The following TEDDM1 variants were observed in gnomAD, a reference collection of about 807,000 sequenced individuals.
The protein encoded by TEDDM1 is epididymal protein 9.
For synonymous variants in TEDDM1, 126 were observed against 128.0 expected (o/e 0.98, Z 0.11); for missense variants, 344 against 318.9 (o/e 1.08, Z -0.60).
At position 182,400,633 on chromosome 1, in the gene TEDDM1, C is replaced by T; in HGVS notation, c.-148G>A. 1.6e-6 allele frequency: 1 copy of T among 637,256 alleles called. No homozygotes were observed. The highest frequency in any genetic ancestry group is 2.1e-5 in the South Asian group (1 of 48,666). The allele number at this position is 637,256 out of a possible 1,614,324, so 39.5% of individuals were successfully genotyped here. On this transcript the variant is annotated 5_prime_UTR_variant, in exon 1 of 1. Coordinates refer to ENST00000367565, the MANE Select transcript of TEDDM1 (RefSeq NM_172000.4). ...ACTCAGGACCTCTCTGCTCTCCTCT[C>T]CCTCACAGGCCTCTCGAGTTCTGGG...
At position 182,398,418 on chromosome 1, in the gene TEDDM1, TTCTGAAAGAAAA is replaced by T. The variant is rs1650617358; in HGVS notation, c.*1234_*1245del. ...GTACTTTAGTGGGTGAGGAAGAACC[TTCTGAAAGAAAA>T]TGATTTCAGCAGCAGTATAAAAGAA... On this transcript the variant is annotated 3_prime_UTR_variant, in exon 1 of 1. Coordinates refer to ENST00000367565, the MANE Select transcript of TEDDM1 (RefSeq NM_172000.4). 1 of 152,248 alleles carries T rather than the reference TTCTGAAAGAAAA, an allele frequency of 6.6e-6. No homozygotes were observed. The highest frequency in any genetic ancestry group is 1.5e-5 in the Non-Finnish European group (1 of 68,062). The allele number at this position is 152,248 out of a possible 1,614,324, so 9.4% of individuals were successfully genotyped here.
Position 182,400,585 on chromosome 1 carries a change from C to T in TEDDM1, c.-100G>A. ...ACTTTCCCATGGAATACAGGCCTGTCCGACTGAAGCGTGAAGAGCAATACT... is the reference window on the plus strand; with the variant it reads ...ACTTTCCCATGGAATACAGGCCTGTTCGACTGAAGCGTGAAGAGCAATACT... On this transcript the variant is annotated 5_prime_UTR_variant, in exon 1 of 1. Transcript: ENST00000367565. The T allele has an allele frequency of 1.0e-6, 1 of 978,092 alleles. No homozygotes were observed. The highest frequency in any genetic ancestry group is 1.5e-6 in the Non-Finnish European group (1 of 669,170). The allele number at this position is 978,092 out of a possible 1,614,324, so 60.6% of individuals were successfully genotyped here.
Position 182,399,669 on chromosome 1 carries a change from G to T in TEDDM1, c.817C>A (p.Pro273Thr). Residue 273 changes from proline (P) to threonine (T), a missense_variant, in exon 1 of 1, where the codon CCC (proline) becomes ACC (threonine). Coordinates refer to ENST00000367565, the MANE Select transcript of TEDDM1 (RefSeq NM_172000.4). ...CAGCCACTGTAGGCCCTGTCTCAGG[G>T]GGAGCTCTTTGGAAGGAGGAGAGCC... The part of the protein sequence containing the change: ...DQALLLPKSS[P>T] 1.2e-6 allele frequency: 2 copies of T among 1,613,280 alleles called. No homozygotes were observed. Among genetic ancestry groups the T allele is most frequent in the Non-Finnish European group, 1.7e-6 (2 of 1,179,428 alleles).
chr1:182,399,948 T>C lies in TEDDM1; in HGVS notation c.538A>G (p.Arg180Gly). The change falls in exon 1 of 1, where the codon AGA (arginine) becomes GGA (glycine). Residue 180 changes from arginine to glycine, a missense_variant. Coordinates refer to ENST00000367565, the MANE Select transcript of TEDDM1 (RefSeq NM_172000.4). Reference protein sequence around the residue: ...WLMQAGFILYRPVSGYPWQDD... With the variant: ...WLMQAGFILYGPVSGYPWQDD... ...TGCCATGGGTAGCCAGAGACGGGTC[T>C]GTATAGAATAAAGCCTGCCTGCATC... 6.2e-7 allele frequency: 1 copy of C among 1,614,044 alleles called. No individual in the cohort carries two copies. Among genetic ancestry groups the C allele is most frequent in the Non-Finnish European group, 8.5e-7 (1 of 1,180,000 alleles).
In TEDDM1 at chr1:182,398,185, A is replaced by G. The variant is rs1650613398; in HGVS notation, c.*1479T>C. The G allele has an allele frequency of 6.6e-6, 1 of 152,218 alleles. No individual in the cohort carries two copies. Among genetic ancestry groups the G allele is most frequent in the South Asian group, 2.1e-4 (1 of 4,830 alleles). 9.4% of individuals were successfully genotyped at this position (152,218 alleles called of 1,614,324 possible). ...AAGAGAGTGGGTGCATTACTAAGGC[A>G]GTGACTCAGTGTTCAGGACTGTTGT... On this transcript the variant is annotated 3_prime_UTR_variant, in exon 1 of 1. Transcript: ENST00000367565.
rs112140293 is a variant in TEDDM1 at position 182,400,413 on chromosome 1, T to C, written c.73A>G (p.Lys25Glu). The C allele has an allele frequency of 3.7e-6, 6 of 1,614,034 alleles. No individual in the cohort carries two copies. In the African/African-American group the frequency reaches 6.7e-5, roughly 18 times the overall value. The change falls in exon 1 of 1, where the codon AAA becomes GAA. Residue 25 changes from lysine (K) to glutamate (E), a missense_variant. Physicochemically the swap from Lys to Glu is moderately conservative, Grantham distance 56 (BLOSUM62 1). Transcript: ENST00000367565. ...TTTAGTAATCCTCCATAGGCTATTT[T>C]CCACAGCCTGGCACATCTTTGCTTA... ...RNKQRCARLW[K>E]IAYGGLLKIV...
At position 182,399,820 on chromosome 1, in the gene TEDDM1, A is replaced by G; in HGVS notation, c.666T>C (p.Phe222=). The G allele has an allele frequency of 6.2e-7, 1 of 1,614,202 alleles. No individual in the cohort carries two copies. Among genetic ancestry groups the G allele is most frequent in the Non-Finnish European group, 8.5e-7 (1 of 1,180,040 alleles). Residue 222 remains phenylalanine, a synonymous_variant, in exon 1 of 1, where the codon TTT becomes TTC. Transcript: ENST00000367565. ...FLLGIYGFSS[F]WYHCFRPSLK... The stretch of plus-strand genomic sequence containing the variant: ...AGCTGGGTCTGAAACAATGATACCA[A>G]AAGGAAGAGAAGCCATAGATTCCCA...
In TEDDM1 at chr1:182,400,557, T is replaced by C. The variant is rs1374213880; in HGVS notation, c.-72A>G. 9 of 1,309,180 alleles carry C rather than the reference T, an allele frequency of 6.9e-6. No individual in the cohort carries two copies. The highest frequency in any genetic ancestry group is 5.9e-5 in the African/African-American group (4 of 67,740). 81.1% of individuals were successfully genotyped at this position (1,309,180 alleles called of 1,614,324 possible). On this transcript the variant is annotated 5_prime_UTR_variant, in exon 1 of 1. Coordinates refer to ENST00000367565, the MANE Select transcript of TEDDM1 (RefSeq NM_172000.4). ...AATAGCCCCAGTTAAAAATGGCCAATGGACTTTCCCATGGAATACAGGCCT... is the reference window on the plus strand; with the variant it reads ...AATAGCCCCAGTTAAAAATGGCCAACGGACTTTCCCATGGAATACAGGCCT...
chr1:182,400,469 C>CAAAGG lies in TEDDM1; in HGVS notation c.16_17insCCTTT (p.Cys6SerfsTer23). On this transcript the variant is annotated frameshift_variant, in exon 1 of 1. Transcript: ENST00000367565. LOFTEE classifies it low-confidence loss of function (END_TRUNC). ...GGGAGAGCACAAAGGATACAGGAGA[C>CAAAGG]AACCTTTGAGTATCATGCCCTTGGA... 1 of 1,608,184 alleles carries CAAAGG rather than the reference C, an allele frequency of 6.2e-7. No homozygotes were observed. The highest frequency in any genetic ancestry group is 8.5e-7 in the Non-Finnish European group (1 of 1,178,452).
At position 182,398,768 on chromosome 1, in the gene TEDDM1, G is replaced by T. The variant is rs1195100663; in HGVS notation, c.*896C>A. The T allele has an allele frequency of 6.6e-6, 1 of 152,120 alleles. No individual in the cohort carries two copies. The highest frequency in any genetic ancestry group is 1.5e-5 in the Non-Finnish European group (1 of 68,026). 9.4% of individuals were successfully genotyped at this position (152,120 alleles called of 1,614,324 possible). On this transcript the variant is annotated 3_prime_UTR_variant, in exon 1 of 1. Transcript: ENST00000367565. ...TAGAATAAGAGTAATAAAATGAGAA[G>T]TCAGGGAAGTACCAAGCATTTGAAT...
Position 182,399,736 on chromosome 1 carries a change from G to A in TEDDM1, c.750C>T (p.Tyr250=). 6.2e-7 allele frequency: 1 copy of A among 1,614,096 alleles called. No homozygotes were observed. Among genetic ancestry groups the A allele is most frequent in the Non-Finnish European group, 8.5e-7 (1 of 1,179,990 alleles). The change falls in exon 1 of 1, where the codon TAC becomes TAT. Residue 250 remains tyrosine, a synonymous_variant. Transcript: ENST00000367565. ...ACTGCTCCACTTCCTGTAGCAACTTGTAGAGGGGTCCTGGAGTGCTTGCAT... is the reference window on the plus strand; with the variant it reads ...ACTGCTCCACTTCCTGTAGCAACTTATAGAGGGGTCCTGGAGTGCTTGCAT... ...PYYASTPGPL[Y]KLLQEVEQSE... is the part of the protein sequence containing the mutation.
chr1:182,400,639 C>G lies in TEDDM1; in HGVS notation c.-154G>C. On this transcript the variant is annotated 5_prime_UTR_variant, in exon 1 of 1. Transcript: ENST00000367565. Reference sequence around the variant, plus strand: ...GACCTCTCTGCTCTCCTCTCCCTCACAGGCCTCTCGAGTTCTGGGCCTATA... The same window carrying G: ...GACCTCTCTGCTCTCCTCTCCCTCAGAGGCCTCTCGAGTTCTGGGCCTATA... 1.6e-6 allele frequency: 1 copy of G among 633,380 alleles called. No individual in the cohort carries two copies. 39.2% of individuals were successfully genotyped at this position (633,380 alleles called of 1,614,324 possible).
chr1:182,399,381 A>G lies in TEDDM1; in HGVS notation c.*283T>C, dbSNP rs1266687518. On this transcript the variant is annotated 3_prime_UTR_variant, in exon 1 of 1. Coordinates refer to ENST00000367565, the MANE Select transcript of TEDDM1 (RefSeq NM_172000.4). The stretch of plus-strand genomic sequence containing the variant: ...CATGGTGGCAGGCTCCTGTAATTGC[A>G]GCTACTCGGGAGGCTGAGGCAGGAG... The G allele has an allele frequency of 7.5e-6, 3 of 401,142 alleles. No homozygotes were observed. Among genetic ancestry groups the G allele is most frequent in the African/African-American group, 2.0e-5 (1 of 49,058 alleles). 24.8% of individuals were successfully genotyped at this position (401,142 alleles called of 1,614,324 possible).
At position 182,399,764 on chromosome 1, in the gene TEDDM1, T is replaced by C; in HGVS notation, c.722A>G (p.Tyr241Cys). ...LKLTGPKEAP[Y>C]YASTPGPLYK... is the part of the protein sequence containing the mutation. ...GAGGGGTCCTGGAGTGCTTGCATAA[T>C]ATGGAGCTTCTTTGGGCCCAGTCAG... is the stretch of plus-strand genomic sequence containing the variant. The change falls in exon 1 of 1, where the codon TAT becomes TGT. Residue 241 changes from tyrosine to cysteine, a missense_variant. Tyr to Cys is a radical substitution (Grantham distance 194). Transcript: ENST00000367565. 6.2e-7 allele frequency: 1 copy of C among 1,614,062 alleles called. No homozygotes were observed. Among genetic ancestry groups the C allele is most frequent in the Non-Finnish European group, 8.5e-7 (1 of 1,180,008 alleles).
chr1:182,399,956 A>T lies in TEDDM1; in HGVS notation c.530T>A (p.Ile177Asn). Reference protein sequence around the residue: ...MGSWLMQAGFILYRPVSGYPW... With the variant: ...MGSWLMQAGFNLYRPVSGYPW... ...GTAGCCAGAGACGGGTCTGTATAGA[A>T]TAAAGCCTGCCTGCATCAGCCAGGA... Residue 177 changes from isoleucine (I) to asparagine (N), a missense_variant, in exon 1 of 1, where the codon ATT becomes AAT. By Grantham distance (149) the Ile-to-Asn change is moderately radical. Transcript: ENST00000367565. 12 of 1,614,176 alleles carry T rather than the reference A, an allele frequency of 7.4e-6. No homozygotes were observed. The highest frequency in any genetic ancestry group is 1.0e-5 in the Non-Finnish European group (12 of 1,180,020).
In TEDDM1 at chr1:182,399,611, G is replaced by A. The variant is rs1650646028; in HGVS notation, c.*53C>T. On this transcript the variant is annotated 3_prime_UTR_variant, in exon 1 of 1. Transcript: ENST00000367565. Reference sequence around the variant, plus strand: ...AGGGTACCATGCTCGTGGCTGAGGAGCCAACAGGAGGAAGATGAGGTGGAC... The same window carrying A: ...AGGGTACCATGCTCGTGGCTGAGGAACCAACAGGAGGAAGATGAGGTGGAC... The A allele has an allele frequency of 7.1e-7, 1 of 1,401,936 alleles. No individual in the cohort carries two copies. The highest frequency in any genetic ancestry group is 2.3e-5 in the East Asian group (1 of 43,754). The allele number at this position is 1,401,936 out of a possible 1,614,324, so 86.8% of individuals were successfully genotyped here.
chr1:182,400,297 G>T lies in TEDDM1; in HGVS notation c.189C>A (p.Phe63Leu). 6.2e-7 allele frequency: 1 copy of T among 1,614,202 alleles called. No individual in the cohort carries two copies. Among genetic ancestry groups the T allele is most frequent in the South Asian group, 1.1e-5 (1 of 91,078 alleles). Residue 63 changes from phenylalanine (F) to leucine (L), a missense_variant, in exon 1 of 1, where the codon TTC becomes TTA. Phe to Leu is a conservative substitution (Grantham distance 22). Coordinates refer to ENST00000367565, the MANE Select transcript of TEDDM1 (RefSeq NM_172000.4). ...VLMRKQVPSR[F>L]MYPKEWQHLT... ...GGTGCTGCCACTCTTTGGGGTACATGAACCTTGATGGCACTTGCTTCCTCA... is the reference window on the plus strand; with the variant it reads ...GGTGCTGCCACTCTTTGGGGTACATTAACCTTGATGGCACTTGCTTCCTCA...
At position 182,398,434 on chromosome 1, in the gene TEDDM1, T is replaced by A. The variant is rs1211580458; in HGVS notation, c.*1230A>T. 1.3e-5 allele frequency: 2 copies of A among 152,232 alleles called. No homozygotes were observed. Among genetic ancestry groups the A allele is most frequent in the Non-Finnish European group, 2.9e-5 (2 of 68,060 alleles). 9.4% of individuals were successfully genotyped at this position (152,232 alleles called of 1,614,324 possible). ...GGAAGAACCTTCTGAAAGAAAATGATTTCAGCAGCAGTATAAAAGAAAGTG... is the reference window on the plus strand; with the variant it reads ...GGAAGAACCTTCTGAAAGAAAATGAATTCAGCAGCAGTATAAAAGAAAGTG... On this transcript the variant is annotated 3_prime_UTR_variant, in exon 1 of 1. Transcript: ENST00000367565.
rs759512224 is a variant in TEDDM1, at chr1:182,400,290, G to A, written c.196C>T (p.Pro66Ser). ...RKQVPSRFMYPKEWQHLTMFI... is the reference protein window; with the variant it reads ...RKQVPSRFMYSKEWQHLTMFI... The stretch of plus-strand genomic sequence containing the variant: ...ATGGTGAGGTGCTGCCACTCTTTGG[G>A]GTACATGAACCTTGATGGCACTTGC... The change falls in exon 1 of 1, where the codon CCC becomes TCC. Residue 66 changes from proline to serine, a missense_variant. Coordinates refer to ENST00000367565, the MANE Select transcript of TEDDM1 (RefSeq NM_172000.4). 1.2e-6 allele frequency: 2 copies of A among 1,614,092 alleles called. No individual in the cohort carries two copies. The highest frequency in any genetic ancestry group is 1.7e-6 in the Non-Finnish European group (2 of 1,180,024).
Sources: gnomAD v4.1 joint callset for allele counts on GRCh38, gnomAD v4.1.1 for gene constraint, MANE v1.5 for transcripts, NCBI Gene and HGNC (gene_info 2026-07-23, HGNC 2026-07-21) for gene names.